Variants in USP25 observed in about 807,000 individuals in gnomAD.
USP25 encodes ubiquitin specific peptidase 25.
Under a neutral mutation model 158.5 loss-of-function variants are expected in USP25, and 85 were observed. That is an observed-to-expected ratio of 0.54 (90% CI 0.45 to 0.64). USP25 has a LOEUF of 0.64. Among genes scored for constraint, USP25 ranks in the 30% least tolerant of loss-of-function variants. The probability of loss-of-function intolerance (pLI) is 0.00; values close to 1 mark genes in which losing one functional copy is unlikely to be tolerated. For missense variants in USP25, 1,242 were observed against 1,327.3 expected (o/e 0.94, Z 1.00); for synonymous variants, 464 against 460.4 (o/e 1.01, Z -0.10).
chr21:15,847,632 T>C (rs975420891), intron 18 of USP25, 31 bp from the exon 19 acceptor site: 85 of 1,451,740 alleles, frequency 5.9e-5, no homozygotes, highest in Non-Finnish European at 7.3e-5. Flanking sequence ...TTCTCTTTTC[T>C]AATGTTTATA....
chr21:15,858,670 A>C (rs2823512), intron 20 of USP25, among the ~76,000 whole-genome samples: 6,047 of 151,954 alleles, frequency 0.04, 163 homozygotes, highest in Middle Eastern at 0.097. Flanking sequence ...GGTGATCAGA[A>C]ATTTTTATTA....
intron 1 of USP25, among the ~76,000 whole-genome samples, chr21:15,733,849 C>CA (rs879377709): frequency 6.6e-6 from 1 of 151,926 alleles, no homozygotes; most frequent in Non-Finnish European, 1.5e-5. Context: ...GTCAAAAAAA[C>CA]AAAAAACCAA....
chr21:15,857,955 A>G (rs1810885372), intron 20 of USP25, among the ~76,000 whole-genome samples: 1 of 152,066 alleles, frequency 6.6e-6, no homozygotes, highest in African/African-American at 2.4e-5. Flanking sequence ...AATCATACCT[A>G]TACTAAATCC....
intron 4 of USP25, among the ~76,000 whole-genome samples, chr21:15,779,783 A>G (rs541055561): frequency 6.6e-6 from 1 of 152,096 alleles, no homozygotes; most frequent in Admixed American, 6.5e-5. Context: ...TATTTGGTAG[A>G]TATTATTATT....
At chr21:15,805,076 A>G in intron 6 of USP25, 45 bp from the exon 7 acceptor site, 8 of 1,525,058 alleles carry the variant, frequency 5.2e-6, no homozygotes, top group Non-Finnish European at 7.0e-6. Flanking sequence ...AATTTTCTTA[A>G]TCTTCAGTTA....
At chr21:15,743,314 G>C (rs531185826) in intron 1 of USP25, among the ~76,000 whole-genome samples, 1 of 152,182 alleles carries the variant, frequency 6.6e-6, no homozygotes, top group Non-Finnish European at 1.5e-5. Context: ...GCCGTTCTTT[G>C]TTCCCACCGT....
Position 15,870,155 on chromosome 21 carries a change from A to G in USP25, c.2885+8A>G. The G allele has an allele frequency of 1.9e-6, 3 of 1,594,148 alleles. No homozygotes were observed. The highest frequency in any genetic ancestry group is 2.6e-6 in the Non-Finnish European group (3 of 1,167,494). Reference sequence around the variant, plus strand: ...AAATTTTCAAAGAGAAAGGTAAGGCAAAGTGGACAAATATGAAAAGAGCAT... The same window carrying G: ...AAATTTTCAAAGAGAAAGGTAAGGCGAAGTGGACAAATATGAAAAGAGCAT... On this transcript the variant is annotated splice_region_variant and intron_variant, in intron 23 of 25. Transcript: ENST00000400183.
At chr21:15,788,690 C>A (rs1032875367) in intron 4 of USP25, among the ~76,000 whole-genome samples, 3 of 151,972 alleles carry the variant, frequency 2.0e-5, no homozygotes, top group African/African-American at 7.2e-5. Context: ...TCATGGCATT[C>A]CCCTTTCACC....
chr21:15,786,857 A>G (rs1243544969), intron 4 of USP25, among the ~76,000 whole-genome samples: 2 of 152,126 alleles, frequency 1.3e-5, no homozygotes, highest in African/African-American at 4.8e-5. Context: ...ATGATCTTAA[A>G]TATAGAAAGC....
intron 1 of USP25, among the ~76,000 whole-genome samples, chr21:15,753,362 C>A (rs898662431): frequency 2.6e-5 from 4 of 152,188 alleles, no homozygotes; most frequent in African/African-American, 9.7e-5. Flanking sequence ...TGGGAAAAAA[C>A]AGGTGGCAAG....
chr21:15,778,329 A>G lies in USP25; in HGVS notation c.392+302A>G, dbSNP rs562414097. On this transcript the variant is annotated intron_variant, in intron 4 of 25. Coordinates refer to ENST00000400183, the MANE Select transcript of USP25 (RefSeq NM_001283041.3). The stretch of plus-strand genomic sequence containing the variant: ...TTTTGGATGCACTGTCCAATTTGCA[A>G]CAATTTATAGCAAGGGTCAGCATCC... 2.0e-4 allele frequency among the ~76,000 whole-genome samples: 30 copies of G among 152,220 alleles called. No individual in the cohort carries two copies. The South Asian group carries it at 6.2e-3, about 32-fold the overall frequency.
intron 3 of USP25, among the ~76,000 whole-genome samples, chr21:15,773,060 C>A (rs1478255608): frequency 6.6e-6 from 1 of 152,134 alleles, no homozygotes; most frequent in East Asian, 1.9e-4. Flanking sequence ...GAAAAAGTCC[C>A]AGCTTTTCAG....
Position 15,874,474 on chromosome 21 carries a change from A to C in USP25, c.2957A>C (p.Tyr986Ser). The C allele has an allele frequency of 1.9e-6, 3 of 1,611,604 alleles. No homozygotes were observed. Residue 986 changes from tyrosine to serine, a missense_variant, in exon 24 of 26, where the codon TAC becomes TCC. Transcript: ENST00000400183. ...AAAGAACTCTTGTCTAAAGGCTTAT[A>C]CAGAGGACATGATGAAGAATTGATA... ...NNKELLSKGL[Y>S]RGHDEELISH...
Position 15,878,597 on chromosome 21 carries a change from A to G in USP25, c.*122A>G, listed in dbSNP as rs1485070432. On this transcript the variant is annotated 3_prime_UTR_variant, in exon 26 of 26. Transcript: ENST00000400183. ...AACTTTTTTTTATTTTAATAACTGC[A>G]AAAGACAAAATGACTATACAGACTT... 7 of 1,080,800 alleles carry G rather than the reference A, an allele frequency of 6.5e-6. No individual in the cohort carries two copies. The African/African-American group carries it at 8.1e-5, about 12-fold the overall frequency. The allele number at this position is 1,080,800 out of a possible 1,614,324, so 67.0% of individuals were successfully genotyped here.
intron 9 of USP25, among the ~76,000 whole-genome samples, chr21:15,818,030 A>G (rs769767715): frequency 9.9e-5 from 15 of 152,162 alleles, no homozygotes; most frequent in Non-Finnish European, 1.8e-4. Flanking sequence ...ACCTCCTGTT[A>G]GTTCCTAAAC....
intron 1 of USP25, among the ~76,000 whole-genome samples, chr21:15,735,211 T>G (rs1204804173): frequency 6.6e-6 from 1 of 152,206 alleles, no homozygotes; most frequent in African/African-American, 2.4e-5. Flanking sequence ...AATTTAAACC[T>G]AGAATTTGGT....
At chr21:15,821,576 G>A (rs574695298) in intron 10 of USP25, among the ~76,000 whole-genome samples, 6 of 151,942 alleles carry the variant, frequency 3.9e-5, no homozygotes, top group East Asian at 1.9e-4. Flanking sequence ...AAACAATATC[G>A]ACATGTACCA....
intron 17 of USP25, among the ~76,000 whole-genome samples, chr21:15,836,956 A>C (rs577754589): frequency 1.6e-4 from 21 of 133,350 alleles, no homozygotes; most frequent in East Asian, 4.7e-4. Context: ...AACTTACCTG[A>C]ATACTGTTGT....
At chr21:15,808,912 G>A in intron 8 of USP25, 27 bp downstream of exon 8, 1 of 1,542,814 alleles carries the variant, frequency 6.5e-7, no homozygotes, top group Non-Finnish European at 8.9e-7. Flanking sequence ...TTTAGCAATG[G>A]GGTTTTAGGA....
Sources: allele counts gnomAD v4.1 joint callset (sites outside exome capture counted in the v4.1 genomes callset), GRCh38; gene constraint gnomAD v4.1.1; transcripts MANE v1.5; gene names NCBI Gene and HGNC (gene_info 2026-07-23, HGNC 2026-07-21).